Variants in PLGRKT observed in about 807,000 individuals in gnomAD.
The protein encoded by PLGRKT is plasminogen receptor with a C-terminal lysine.
PLGRKT carries 22 observed loss-of-function variants against 18.5 expected under a neutral mutation model. That is an observed-to-expected ratio of 1.19 (90% CI 0.85 to 1.70). The LOEUF (loss-of-function observed/expected upper bound fraction) is 1.70, where lower values mean the gene tolerates loss of function less well. Ranked by LOEUF, PLGRKT falls within the 40% of genes most tolerant of loss-of-function variation. The pLI is 0.00. For missense variants in PLGRKT, 235 were observed against 174.4 expected, an observed-to-expected ratio of 1.35 and a Z score of -1.96; for synonymous variants, 72 against 52.8, an observed-to-expected ratio of 1.36 and a Z score of -1.58.
At chr9:5,388,289 G>A (rs983048104) in intron 3 of PLGRKT, among the ~76,000 whole-genome samples, 2 of 151,854 alleles carry the variant, frequency 1.3e-5, no homozygotes, top group African/African-American at 2.4e-5. Flanking sequence ...AACAACTGAG[G>A]AATGTTTTTC....
chr9:5,363,830 G>C (rs1817322128), intron 3 of PLGRKT, among the ~76,000 whole-genome samples: 1 of 152,258 alleles, frequency 6.6e-6, no homozygotes, highest in South Asian at 2.1e-4. Flanking sequence ...AGAAGTAATT[G>C]AGTAACTTTG....
intron 3 of PLGRKT, among the ~76,000 whole-genome samples, chr9:5,422,493 CAAAT>C (rs149393233): frequency 0.014 from 2,088 of 152,166 alleles, 47 homozygotes; most frequent in African/African-American, 0.048. Flanking sequence ...GTTTCTTCAA[CAAAT>C]AAATAGTACG....
At chr9:5,364,014 T>A (rs1312390304) in intron 3 of PLGRKT, among the ~76,000 whole-genome samples, 1 of 152,206 alleles carries the variant, frequency 6.6e-6, no homozygotes, top group Non-Finnish European at 1.5e-5. Context: ...CAAAGTGATG[T>A]AAATACAGCA....
rs76666974 is a variant in PLGRKT, at chr9:5,413,460, C to T, written c.81+18437G>A. 2.7e-3 allele frequency among the ~76,000 whole-genome samples: 414 copies of T among 152,224 alleles called. 4 individuals carry two copies. The highest frequency in any genetic ancestry group is 9.4e-3 in the African/African-American group (390 of 41,552). On this transcript the variant is annotated intron_variant, in intron 3 of 5. Coordinates refer to ENST00000223864, the MANE Select transcript of PLGRKT (RefSeq NM_018465.4). The stretch of plus-strand genomic sequence containing the variant: ...GGAAAAGAAGAGTATCCTGTATTAT[C>T]CAGGCCCAGTGTAATCACAAGGGTC...
intron 3 of PLGRKT, among the ~76,000 whole-genome samples, chr9:5,365,585 A>G (rs1325003488): frequency 6.6e-6 from 1 of 152,220 alleles, no homozygotes; most frequent in Non-Finnish European, 1.5e-5. Flanking sequence ...TAAAGAGACA[A>G]GAAGACTAAA....
chr9:5,382,660 G>T lies in PLGRKT; in HGVS notation c.82-20772C>A, dbSNP rs371840354. 1.3e-4 allele frequency among the ~76,000 whole-genome samples: 20 copies of T among 152,354 alleles called. 1 individual carries two copies. The highest frequency in any genetic ancestry group is 7.7e-4 in the East Asian group (4 of 5,186). On this transcript the variant is annotated intron_variant, in intron 3 of 5. Coordinates refer to ENST00000223864, the MANE Select transcript of PLGRKT (RefSeq NM_018465.4). Reference sequence around the variant, plus strand: ...CTTCGTGGGGAGCCACAAAGTCACTGAAACAGAACAGTGACATGATCAGAT... The same window carrying T: ...CTTCGTGGGGAGCCACAAAGTCACTTAAACAGAACAGTGACATGATCAGAT...
At chr9:5,428,396 G>A (rs1818743190) in intron 3 of PLGRKT, among the ~76,000 whole-genome samples, 1 of 152,164 alleles carries the variant, frequency 6.6e-6, no homozygotes, top group Non-Finnish European at 1.5e-5. Context: ...GAGTGCCAAA[G>A]TCTACTTGGT....
At position 5,361,672 on chromosome 9, in the gene PLGRKT, T is replaced by C. The variant is rs1004104892; in HGVS notation, c.212+86A>G. On this transcript the variant is annotated intron_variant, in intron 4 of 5. Transcript: ENST00000223864. ...ACATACACTATTTGGACCAAAGTCT[T>C]ATTCTGGCCAACTTCATAATAAAAT... 3.8e-5 allele frequency: 50 copies of C among 1,332,578 alleles called. 1 individual carries two copies. In the South Asian group the frequency reaches 6.6e-4, roughly 18 times the overall value. The allele number at this position is 1,332,578 out of a possible 1,614,324, so 82.5% of individuals were successfully genotyped here.
chr9:5,437,182 T>G (rs532619558), intron 1 of PLGRKT, among the ~76,000 whole-genome samples: 1 of 152,146 alleles, frequency 6.6e-6, no homozygotes, highest in Non-Finnish European at 1.5e-5. Flanking sequence ...GGAGAAGTGG[T>G]GCCTGCAAGT....
At chr9:5,388,258 C>G (rs1013946214) in intron 3 of PLGRKT, among the ~76,000 whole-genome samples, 2 of 151,748 alleles carry the variant, frequency 1.3e-5, no homozygotes, top group Non-Finnish European at 2.9e-5. Context: ...GGGAGACAGG[C>G]TGCAAGTGTG....
At chr9:5,423,905 A>G (rs1707131164) in intron 3 of PLGRKT, among the ~76,000 whole-genome samples, 1 of 118,352 alleles carries the variant, frequency 8.4e-6, no homozygotes, top group Non-Finnish European at 1.7e-5. Flanking sequence ...TATATTACAT[A>G]TATTAGATAT....
rs367804357 is a variant in PLGRKT, at chr9:5,430,925, C to T, written c.81+972G>A. 1.5e-3 allele frequency among the ~76,000 whole-genome samples: 224 copies of T among 152,286 alleles called. 1 individual carries two copies. The highest frequency in any genetic ancestry group is 6.8e-3 in the Middle Eastern group (2 of 294). The stretch of plus-strand genomic sequence containing the variant: ...CTGCAGTGCTTTGATCTTTTCTATC[C>T]AGCCACGTCTAAATCCAATGTTAAG... On this transcript the variant is annotated intron_variant, in intron 3 of 5. Coordinates refer to ENST00000223864, the MANE Select transcript of PLGRKT (RefSeq NM_018465.4).
chr9:5,370,686 G>C (rs1353785303), intron 3 of PLGRKT, among the ~76,000 whole-genome samples: 1 of 152,134 alleles, frequency 6.6e-6, no homozygotes, highest in Non-Finnish European at 1.5e-5. Flanking sequence ...CGAAATGAGA[G>C]TATTTTATAT....
chr9:5,361,657 T>C lies in PLGRKT; in HGVS notation c.212+101A>G. On this transcript the variant is annotated intron_variant, in intron 4 of 5. Transcript: ENST00000223864. ...TAGGTTACTTTGGTTACATACACTA[T>C]TTGGACCAAAGTCTTATTCTGGCCA... The C allele has an allele frequency of 3.4e-6, 4 of 1,162,144 alleles. No homozygotes were observed. In the Admixed American group the frequency reaches 9.2e-5, roughly 27 times the overall value. 72.0% of individuals were successfully genotyped at this position (1,162,144 alleles called of 1,614,324 possible).
intron 3 of PLGRKT, among the ~76,000 whole-genome samples, chr9:5,424,900 C>T (rs1010514913): frequency 2.0e-5 from 3 of 151,226 alleles, no homozygotes; most frequent in African/African-American, 7.3e-5. Flanking sequence ...CGTGAGCTAC[C>T]CCACCCAGCC....
chr9:5,428,063 G>A (rs527895789), intron 3 of PLGRKT, among the ~76,000 whole-genome samples: 17 of 152,104 alleles, frequency 1.1e-4, no homozygotes, highest in African/African-American at 3.6e-4. Flanking sequence ...CAAGCTCCAC[G>A]ATCCAGCCAA....
intron 3 of PLGRKT, among the ~76,000 whole-genome samples, chr9:5,404,027 G>C (rs1762444906): frequency 6.6e-6 from 1 of 152,160 alleles, no homozygotes; most frequent in African/African-American, 2.4e-5. Flanking sequence ...AGAAAATCTA[G>C]AAGAAATGGG....
intron 3 of PLGRKT, among the ~76,000 whole-genome samples, chr9:5,422,432 G>A (rs1818595553): frequency 6.6e-6 from 1 of 152,140 alleles, no homozygotes; most frequent in Non-Finnish European, 1.5e-5. Context: ...ACCATGAGGA[G>A]GCAATCAGCC....
At chr9:5,383,769 A>C (rs988648868) in intron 3 of PLGRKT, among the ~76,000 whole-genome samples, 1 of 152,124 alleles carries the variant, frequency 6.6e-6, no homozygotes, top group Non-Finnish European at 1.5e-5. Context: ...GGTGGAGCTC[A>C]GGTGGTAATG....
Sources: gnomAD v4.1 joint callset for allele counts (sites outside exome capture counted in the v4.1 genomes callset) on GRCh38, gnomAD v4.1.1 for gene constraint, MANE v1.5 for transcripts, NCBI Gene and HGNC (gene_info 2026-07-23, HGNC 2026-07-21) for gene names.